KIAA1210: variants seen among roughly 807,000 people sequenced by gnomAD.
KIAA1210 encodes acrosomal protein KIAA1210.
Under a neutral mutation model 78.9 loss-of-function variants are expected in KIAA1210, and 48 were observed. That is an observed-to-expected ratio of 0.61 (90% CI 0.48 to 0.77). KIAA1210 has a LOEUF of 0.77. KIAA1210 is among the 30% of genes least tolerant of loss of function. The pLI, the probability that KIAA1210 is intolerant of heterozygous loss-of-function variation, is 0.00. For missense variants in KIAA1210, 1,108 were observed against 1,100.0 expected (o/e 1.01, Z -0.10); for synonymous variants, 406 against 404.5 (o/e 1.00, Z -0.04).
chrX:119,139,568 T>C (rs1372176478), intron 2 of KIAA1210, among the ~76,000 whole-genome samples: 1 of 111,827 alleles, frequency 8.9e-6, no homozygotes, highest in Non-Finnish European at 1.9e-5. Flanking sequence ...CTCTCCCTTC[T>C]GCACAAGAAG....
rs189801034 is a variant in KIAA1210, at chrX:119,088,044, C to T, written c.2658G>A (p.Lys886=). The change falls in exon 9 of 12, where the codon AAG becomes AAA. Residue 886 remains lysine (K), a synonymous_variant. Transcript: ENST00000691062. ...CAGAAGTACTCATTGAGTCCAGGAA[C>T]TTAGGCCTCTCCGAGGGCTGGGAAA... ...RCLSQPSERP[K]FLDSMSTSAE... 123 of 1,209,457 alleles carry T rather than the reference C, an allele frequency of 1.0e-4. No individual in the cohort carries two copies. Among genetic ancestry groups the T allele is most frequent in the Non-Finnish European group, 1.2e-4 (110 of 895,044 alleles).
In KIAA1210 at chrX:119,089,110, G is replaced by T; in HGVS notation, c.1592C>A (p.Ala531Asp). Reference sequence around the variant, plus strand: ...GGCCTTTTGTAAATCAAAGCTGAAAGCTTCTTGATCTTCTAACTGGATATG... The same window carrying T: ...GGCCTTTTGTAAATCAAAGCTGAAATCTTCTTGATCTTCTAACTGGATATG... ...PSHIQLEDQE[A>D]FSFDLQKAQS... is the part of the protein sequence containing the mutation. The change falls in exon 9 of 12, where the codon GCT becomes GAT. Residue 531 changes from alanine (A) to aspartate (D), a missense_variant. Around this residue, in one of 5 missense-constraint regions of KIAA1210, gnomAD observed 672 missense variants for 607.1 expected, o/e 1.11. Coordinates refer to ENST00000691062, the MANE Select transcript of KIAA1210 (RefSeq NM_001394962.1). 1 of 1,211,970 alleles carries T rather than the reference G, an allele frequency of 8.3e-7. No individual in the cohort carries two copies. Among genetic ancestry groups the T allele is most frequent in the Non-Finnish European group, 1.1e-6 (1 of 895,430 alleles).
chrX:119,111,687 T>C (rs1175661197), intron 3 of KIAA1210, among the ~76,000 whole-genome samples: 2 of 111,233 alleles, frequency 1.8e-5, no homozygotes, highest in African/African-American at 6.6e-5. Flanking sequence ...CAAACCACCA[T>C]GGCACATGTA....
At chrX:119,114,187 G>A (rs1928178352) in intron 3 of KIAA1210, among the ~76,000 whole-genome samples, 2 of 111,483 alleles carry the variant, frequency 1.8e-5, no homozygotes, top group Admixed American at 1.9e-4. Context: ...AGCCTGTGGG[G>A]ACTTCATATG....
At chrX:119,090,631 C>A (rs1253475075) in intron 8 of KIAA1210, among the ~76,000 whole-genome samples, 1 of 109,532 alleles carries the variant, frequency 9.1e-6, no homozygotes, top group Non-Finnish European at 1.9e-5. Flanking sequence ...AAGATTATGG[C>A]CCCCTTTTCT....
At chrX:119,090,670 C>T (rs1459441740) in intron 8 of KIAA1210, among the ~76,000 whole-genome samples, 2 of 109,644 alleles carry the variant, frequency 1.8e-5, no homozygotes, top group Non-Finnish European at 3.8e-5. Flanking sequence ...TACATTAAAA[C>T]AATCCTAGTT....
chrX:119,132,848 C>T (rs1928825817), intron 2 of KIAA1210, among the ~76,000 whole-genome samples: 1 of 111,629 alleles, frequency 9.0e-6, no homozygotes, highest in African/African-American at 3.3e-5. Flanking sequence ...GTTGCCCAGG[C>T]TGGTCTCAAA....
intron 4 of KIAA1210, 121 bp downstream of exon 4, chrX:119,108,955 G>T: frequency 1.4e-6 from 1 of 692,832 alleles, no homozygotes. Flanking sequence ...ACAGCCCTGT[G>T]GGGGTAGGAT....
intron 3 of KIAA1210, among the ~76,000 whole-genome samples, chrX:119,114,516 C>T (rs1181544472): frequency 8.9e-6 from 1 of 112,273 alleles, no homozygotes; most frequent in Non-Finnish European, 1.9e-5. Flanking sequence ...TCTATATACA[C>T]GCATACGCTC....
chrX:119,138,856 G>A (rs1184328195), intron 2 of KIAA1210, among the ~76,000 whole-genome samples: 2 of 111,701 alleles, frequency 1.8e-5, no homozygotes, highest in Admixed American at 9.5e-5. Context: ...CACAGTGCCC[G>A]GGAGAAGCTC....
chrX:119,079,351 T>C lies in KIAA1210; in HGVS notation c.*1978A>G, dbSNP rs777480439. The C allele has an allele frequency of 2.7e-5, 3 of 112,092 alleles. No individual in the cohort carries two copies. The highest frequency in any genetic ancestry group is 9.4e-5 in the Admixed American group (1 of 10,601). The allele number at this position is 112,092 out of a possible 1,213,427, so 9.2% of individuals were successfully genotyped here. On this transcript the variant is annotated 3_prime_UTR_variant, in exon 12 of 12. Coordinates refer to ENST00000691062, the MANE Select transcript of KIAA1210 (RefSeq NM_001394962.1). ...GTGATAACTACTCAGAAGTCACTTC[T>C]GGGTCTCCTAGAAAAATGAGCTAGG...
chrX:119,108,198 G>C, intron 5 of KIAA1210, 139 bp downstream of exon 5: 1 of 531,496 alleles, frequency 1.9e-6, no homozygotes, highest in Admixed American at 3.2e-5. Flanking sequence ...ACCCACTGTA[G>C]ATGAGGAAAA....
chrX:119,096,946 C>A (rs1365490057), intron 6 of KIAA1210, among the ~76,000 whole-genome samples: 1 of 111,678 alleles, frequency 9.0e-6, no homozygotes, highest in East Asian at 2.8e-4. Flanking sequence ...TCAGGGGCAC[C>A]CCATTGTCCT....
chrX:119,082,946 T>G, intron 11 of KIAA1210, 69 bp downstream of exon 11: 1 of 743,159 alleles, frequency 1.3e-6, no homozygotes, highest in Non-Finnish European at 2.0e-6. Flanking sequence ...TATCTGAGCT[T>G]GAAATTGCAA....
chrX:119,106,694 A>G (rs1240437279), intron 5 of KIAA1210, among the ~76,000 whole-genome samples: 1 of 112,608 alleles, frequency 8.9e-6, no homozygotes, highest in Non-Finnish European at 1.9e-5. Flanking sequence ...CTGCCATTGT[A>G]TCTTTTTAAC....
At chrX:119,131,771 C>G (rs780059624), upstream of KIAA1210, among the ~76,000 whole-genome samples, 6 of 112,046 alleles carry the variant, frequency 5.4e-5, no homozygotes, top group South Asian at 2.2e-3. Context: ...TAGCTAACAG[C>G]CATCAAGAAA....
chrX:119,109,075 C>A lies in KIAA1210; in HGVS notation c.357+1G>T. On this transcript the variant is annotated splice_donor_variant, in intron 4 of 11. Transcript: ENST00000691062. LOFTEE classifies it high-confidence loss of function. ...ACACTGATGCTCGAGTCCACTATTA[C>A]CTGCTGAGGTCTGCCTCTCTGGGGA... is the stretch of plus-strand genomic sequence containing the variant. 3.3e-6 allele frequency: 4 copies of A among 1,209,642 alleles called. No individual in the cohort carries two copies. The highest frequency in any genetic ancestry group is 4.5e-6 in the Non-Finnish European group (4 of 894,249).
chrX:119,098,744 T>G (rs1275276327), intron 6 of KIAA1210, among the ~76,000 whole-genome samples: 2 of 111,192 alleles, frequency 1.8e-5, no homozygotes, highest in African/African-American at 3.3e-5. Flanking sequence ...TGACATACAA[T>G]ATGTTTTCCT....
intron 3 of KIAA1210, among the ~76,000 whole-genome samples, chrX:119,110,751 C>T (rs1410719399): frequency 9.0e-6 from 1 of 111,440 alleles, no homozygotes; most frequent in Non-Finnish European, 1.9e-5. Flanking sequence ...ATGCGCAAAA[C>T]TCATAATCTG....
Sources: gnomAD v4.1 joint callset for allele counts (sites outside exome capture counted in the v4.1 genomes callset) on GRCh38, gnomAD v4.1.1 for gene constraint, gnomAD v4.1.1 regional missense constraint, MANE v1.5 for transcripts, NCBI Gene and HGNC (gene_info 2026-07-23, HGNC 2026-07-21) for gene names.